TEX9: variants seen among roughly 807,000 people sequenced by gnomAD.
TEX9 encodes testis-expressed protein 9.
In TEX9, 74 loss-of-function variants were observed where a neutral mutation model predicts 59.6. The ratio of observed to expected loss-of-function variants is 1.24; its 90% CI spans 1.03 to 1.51. The LOEUF is 1.51. Ranked by LOEUF, TEX9 falls within the 40% of genes most tolerant of loss-of-function variation. The probability of loss-of-function intolerance (pLI) is 0.00; values close to 1 mark genes in which losing one functional copy is unlikely to be tolerated. For synonymous variants in TEX9, 186 were observed against 152.2 expected, an observed-to-expected ratio of 1.22 and a Z score of -1.64; for missense variants, 522 against 447.8, an observed-to-expected ratio of 1.17 and a Z score of -1.49.
intron 10 of TEX9, among the ~76,000 whole-genome samples, chr15:56,422,795 A>G (rs1249306460): frequency 1.3e-5 from 2 of 152,010 alleles, no homozygotes; most frequent in African/African-American, 4.8e-5. Flanking sequence ...CTACCAATTA[A>G]GCCACTCCCC....
In TEX9 at chr15:56,316,044, A is replaced by G. The variant is rs528579097; in HGVS notation, c.-106-57397A>G. Among the ~76,000 whole-genome samples, 6 of 149,894 alleles carry G rather than the reference A, an allele frequency of 4.0e-5. No homozygotes were observed. In the South Asian group the frequency reaches 1.3e-3, roughly 32 times the overall value. Reference sequence around the variant, plus strand: ...TCTCTGTATTGGTTATTCTAGTTATACCTTCTTCTAAATTTTTTTCAAAGT... The same window carrying G: ...TCTCTGTATTGGTTATTCTAGTTATGCCTTCTTCTAAATTTTTTTCAAAGT... On this transcript the variant is annotated intron_variant, in intron 1 of 5. Transcript: ENST00000560827.
At chr15:56,272,207 C>T (rs1470666658) in intron 1 of TEX9, among the ~76,000 whole-genome samples, 1 of 152,092 alleles carries the variant, frequency 6.6e-6, no homozygotes, top group Non-Finnish European at 1.5e-5. Flanking sequence ...CAGCTGTCAT[C>T]TCTGTTTAAT....
At chr15:56,392,388 G>C (rs2048258641) in intron 7 of TEX9, among the ~76,000 whole-genome samples, 1 of 152,018 alleles carries the variant, frequency 6.6e-6, no homozygotes, top group East Asian at 1.9e-4. Flanking sequence ...CAAGAGACGG[G>C]GGAGGTGCTA....
intron 1 of TEX9, among the ~76,000 whole-genome samples, chr15:56,305,245 C>G (rs1440621949): frequency 3.3e-5 from 5 of 151,920 alleles, no homozygotes; most frequent in African/African-American, 1.2e-4. Context: ...ATGAAAACAC[C>G]ACTGACATTC....
intron 3 of TEX9, among the ~76,000 whole-genome samples, chr15:56,377,013 T>C (rs1582755): frequency 1 from 152,213 of 152,310 alleles, 76,058 homozygotes; most frequent in Non-Finnish European, 1. Flanking sequence ...AGAGACTGTC[T>C]TTTATCCAGT....
intron 9 of TEX9, among the ~76,000 whole-genome samples, chr15:56,405,581 G>A (rs559377718): frequency 2.0e-5 from 3 of 152,128 alleles, no homozygotes; most frequent in Non-Finnish European, 4.4e-5. Flanking sequence ...CTATCTGAAG[G>A]CTTTTATAAA....
At chr15:56,453,014 C>T in the TEX9 span, among the ~76,000 whole-genome samples, 4 of 152,058 alleles carry the variant, frequency 2.6e-5, no homozygotes, top group East Asian at 1.9e-4. Flanking sequence ...TTCCTATTAT[C>T]GTATTTTATT....
chr15:56,302,394 A>G (rs2045381999), intron 1 of TEX9, among the ~76,000 whole-genome samples: 2 of 151,190 alleles, frequency 1.3e-5, no homozygotes, highest in Admixed American at 1.3e-4. Context: ...GCTGGCATGC[A>G]CCTGAGATCC....
exon 3 of TEX9, chr15:56,373,485 A>G (rs754516815): frequency 6.3e-7 from 1 of 1,575,532 alleles, no homozygotes; most frequent in Non-Finnish European, 8.6e-7. Flanking sequence ...GACGTGGTTC[A>G]ACAAGCTAAG....
At chr15:56,295,011 A>T (rs1266693830) in intron 1 of TEX9, among the ~76,000 whole-genome samples, 1 of 152,138 alleles carries the variant, frequency 6.6e-6, no homozygotes, top group Non-Finnish European at 1.5e-5. Context: ...TCATATATAT[A>T]TATGTTAAAG....
the TEX9 span, among the ~76,000 whole-genome samples, chr15:56,454,469 C>A: frequency 2.6e-5 from 4 of 152,088 alleles, no homozygotes; most frequent in South Asian, 8.3e-4. Flanking sequence ...TTTTTTTGTA[C>A]CCAGGTAAAT....
upstream of TEX9, among the ~76,000 whole-genome samples, chr15:56,360,989 T>C (rs994489537): frequency 6.6e-6 from 1 of 152,210 alleles, no homozygotes; most frequent in Admixed American, 6.5e-5. Flanking sequence ...GGCTTCCCCA[T>C]GTAACCCTGT....
exon 11 of TEX9, chr15:56,427,608 A>G: frequency 6.6e-7 from 1 of 1,525,562 alleles, no homozygotes; most frequent in Non-Finnish European, 8.8e-7. Context: ...TGTGTAGGAC[A>G]TAGCAAATGA....
At chr15:56,444,591 C>G (rs752613858) in intron 12 of TEX9, 2 of 1,612,592 alleles carry the variant, frequency 1.2e-6, no homozygotes, top group African/African-American at 2.7e-5. Flanking sequence ...CGCTTTGTTT[C>G]GTTTGTCTTC....
At chr15:56,388,335 A>AC (rs770391899) in intron 4 of TEX9, 137 bp from the exon 5 acceptor site, 1 of 620,450 alleles carries the variant, frequency 1.6e-6, no homozygotes, top group Non-Finnish European at 2.7e-6. Context: ...AAATAAATTA[A>AC]CATGTGGGTA....
At chr15:56,264,492 A>G (rs1462504402) in intron 1 of TEX9, among the ~76,000 whole-genome samples, 2 of 152,158 alleles carry the variant, frequency 1.3e-5, no homozygotes, top group Non-Finnish European at 2.9e-5. Flanking sequence ...CCTTTAAATG[A>G]TAAGAGTTTT....
At chr15:56,301,029 A>G (rs1009824191) in intron 1 of TEX9, among the ~76,000 whole-genome samples, 1 of 152,254 alleles carries the variant, frequency 6.6e-6, no homozygotes, top group African/African-American at 2.4e-5. Flanking sequence ...TTGGTTGACA[A>G]ATCACAGAGT....
intron 12 of TEX9, chr15:56,443,691 G>A (rs534298188): frequency 4.3e-6 from 7 of 1,613,198 alleles, no homozygotes; most frequent in African/African-American, 2.7e-5. Flanking sequence ...TTTGCCATCC[G>A]ATCTTCTTCT....
exon 1 of TEX9, chr15:56,365,460 C>A: frequency 1.9e-6 from 3 of 1,612,704 alleles, no homozygotes; most frequent in Non-Finnish European, 2.5e-6. Context: ...GATGGCGGGG[C>A]GAAGTCTGTG....
Sources: gnomAD v4.1 joint callset for allele counts (sites outside exome capture counted in the v4.1 genomes callset) on GRCh38, gnomAD v4.1.1 for gene constraint, MANE v1.5 for transcripts, NCBI Gene and HGNC (gene_info 2026-07-23, HGNC 2026-07-21) for gene names.